The following ZSWIM5 variants were observed in gnomAD, a reference collection of about 807,000 sequenced individuals.
The protein encoded by ZSWIM5 is zinc finger SWIM domain-containing protein 5.
Under a neutral mutation model 119.6 loss-of-function variants are expected in ZSWIM5, and 55 were observed. That is an observed-to-expected ratio of 0.46 (90% CI 0.37 to 0.58). The LOEUF (loss-of-function observed/expected upper bound fraction) is 0.58. ZSWIM5 is among the 20% of genes least tolerant of loss of function. The pLI, the probability that ZSWIM5 is intolerant of heterozygous loss-of-function variation, is 0.00. For synonymous variants in ZSWIM5, 537 were observed against 606.9 expected (o/e 0.88, Z 1.69); for missense variants, 1,193 against 1,512.8 (o/e 0.79, Z 3.51).
intron 1 of ZSWIM5, among the ~76,000 whole-genome samples, chr1:45,094,636 G>A (rs898141489): frequency 6.6e-6 from 1 of 152,092 alleles, no homozygotes; most frequent in Non-Finnish European, 1.5e-5. Flanking sequence ...GCTGAGGCAG[G>A]TGGATCACTT....
chr1:45,120,316 A>G (rs1399638074), intron 1 of ZSWIM5, among the ~76,000 whole-genome samples: 1 of 152,232 alleles, frequency 6.6e-6, no homozygotes, highest in Non-Finnish European at 1.5e-5. Flanking sequence ...AGCCTGGGTG[A>G]CAGGGCGAAA....
chr1:45,081,888 G>A (rs1645294314), intron 2 of ZSWIM5, among the ~76,000 whole-genome samples: 1 of 152,144 alleles, frequency 6.6e-6, no homozygotes, highest in East Asian at 1.9e-4. Flanking sequence ...AATAGAAAGG[G>A]GGGAAAGGTG....
At chr1:45,073,089 A>C (rs1279593828) in intron 2 of ZSWIM5, among the ~76,000 whole-genome samples, 2 of 151,568 alleles carry the variant, frequency 1.3e-5, no homozygotes, top group African/African-American at 2.4e-5. Flanking sequence ...TGTCTTCTTC[A>C]ATTTCTTTCA....
At chr1:45,098,707 C>A (rs1052556603) in intron 1 of ZSWIM5, among the ~76,000 whole-genome samples, 1 of 152,170 alleles carries the variant, frequency 6.6e-6, no homozygotes, top group Non-Finnish European at 1.5e-5. Flanking sequence ...CCTCTCAGAC[C>A]ACAGTGCAAT....
chr1:45,109,586 A>C (rs1645503079), intron 1 of ZSWIM5, among the ~76,000 whole-genome samples: 1 of 152,066 alleles, frequency 6.6e-6, no homozygotes, highest in African/African-American at 2.4e-5. Flanking sequence ...TCTACCAAAA[A>C]TACAAAAAAT....
rs771562904 is a variant in ZSWIM5, at chr1:45,060,295, A to G, written c.953-48T>C. ...AATGAATCACCTGAGTTCACATGCT[A>G]CACATTCAGCTGGAGGGGCACTTTG... On this transcript the variant is annotated intron_variant, in intron 2 of 13. Transcript: ENST00000359600. 7 of 1,592,150 alleles carry G rather than the reference A, an allele frequency of 4.4e-6. No individual in the cohort carries two copies. In the African/African-American group the frequency reaches 6.7e-5, roughly 15 times the overall value.
chr1:45,199,630 C>T (rs568563876), intron 1 of ZSWIM5, among the ~76,000 whole-genome samples: 1 of 152,222 alleles, frequency 6.6e-6, no homozygotes, highest in South Asian at 2.1e-4. Flanking sequence ...ATGTTATACT[C>T]CCCTAAATAC....
At chr1:45,121,472 A>C (rs1645591456) in intron 1 of ZSWIM5, among the ~76,000 whole-genome samples, 1 of 152,172 alleles carries the variant, frequency 6.6e-6, no homozygotes, top group East Asian at 1.9e-4. Context: ...AACCCATGTA[A>C]CCAACTTCAT....
At chr1:45,154,292 G>C (rs1300369977) in intron 1 of ZSWIM5, among the ~76,000 whole-genome samples, 1 of 151,944 alleles carries the variant, frequency 6.6e-6, no homozygotes, top group African/African-American at 2.4e-5. Context: ...CATAGCCAAA[G>C]CTGGACTAAG....
At chr1:45,063,227 G>T (rs910909651) in intron 2 of ZSWIM5, among the ~76,000 whole-genome samples, 2 of 152,166 alleles carry the variant, frequency 1.3e-5, no homozygotes, top group African/African-American at 4.8e-5. Flanking sequence ...ATCCACTGCT[G>T]TTGGGCACCT....
chr1:45,093,157 C>T (rs1010755235), intron 1 of ZSWIM5, among the ~76,000 whole-genome samples: 1 of 152,242 alleles, frequency 6.6e-6, no homozygotes, highest in Non-Finnish European at 1.5e-5. Context: ...TTATACCATA[C>T]TGCCTCTCCA....
rs1320859321 is a variant in ZSWIM5, at chr1:45,051,060, G to A, written c.1432+14C>T. On this transcript the variant is annotated intron_variant, in intron 5 of 13. Coordinates refer to ENST00000359600, the MANE Select transcript of ZSWIM5 (RefSeq NM_020883.2). ...GTTCCAGGTACAAAGAGCCTAAAAG[G>A]ACACTTGGCTCACCTGGGCTGTGAA... 6.2e-7 allele frequency: 1 copy of A among 1,607,462 alleles called. No individual in the cohort carries two copies.
intron 1 of ZSWIM5, among the ~76,000 whole-genome samples, chr1:45,160,140 T>C (rs571332381): frequency 7.2e-5 from 11 of 151,974 alleles, no homozygotes; most frequent in African/African-American, 2.7e-4. Flanking sequence ...TAACAATGCA[T>C]TGATTAGAAA....
At chr1:45,038,844 C>A in intron 8 of ZSWIM5, 92 bp downstream of exon 8, 1 of 1,518,386 alleles carries the variant, frequency 6.6e-7, no homozygotes, top group Non-Finnish European at 9.0e-7. Flanking sequence ...AATCCACCCA[C>A]CTTGGCCTCC....
At chr1:45,146,179 A>C (rs1187353057) in intron 1 of ZSWIM5, among the ~76,000 whole-genome samples, 1 of 152,180 alleles carries the variant, frequency 6.6e-6, no homozygotes, top group Non-Finnish European at 1.5e-5. Context: ...AGATAGGACA[A>C]TAGCTGGTAG....
chr1:45,049,470 T>C (rs906492146), intron 5 of ZSWIM5, among the ~76,000 whole-genome samples: 1 of 152,014 alleles, frequency 6.6e-6, no homozygotes, highest in African/African-American at 2.4e-5. Flanking sequence ...AGCAGCAACA[T>C]CTTCAAAGGA....
chr1:45,131,724 C>CAAAAAAAAAAAAAAAAAAAAAATAAAAAA (rs1645657991), intron 1 of ZSWIM5, among the ~76,000 whole-genome samples: 1 of 74,226 alleles, frequency 1.3e-5, no homozygotes, highest in Non-Finnish European at 2.7e-5. Context: ...GACTCTGTCT[C>CAAAAAAAAAAAAAAAAAAAAAATAAAAAA]AAAAAAAAAA....
chr1:45,158,555 T>C (rs906807731), intron 1 of ZSWIM5, among the ~76,000 whole-genome samples: 3 of 152,260 alleles, frequency 2.0e-5, no homozygotes, highest in Non-Finnish European at 2.9e-5. Flanking sequence ...GCTCTGCATA[T>C]AACTAGCTGT....
intron 2 of ZSWIM5, chr1:45,070,228 G>A (rs530970847): frequency 1.6e-4 from 230 of 1,455,426 alleles, no homozygotes; most frequent in Admixed American, 7.7e-4. Context: ...GGCCTCTGAT[G>A]CCCATGTTCA....
Sources: gnomAD v4.1 joint callset for allele counts (sites outside exome capture counted in the v4.1 genomes callset) on GRCh38, gnomAD v4.1.1 for gene constraint, MANE v1.5 for transcripts, NCBI Gene and HGNC (gene_info 2026-07-23, HGNC 2026-07-21) for gene names.